AGAP1: variants seen among roughly 807,000 people sequenced by gnomAD.
AGAP1 encodes ArfGAP with GTPase domain, ankyrin repeat and PH domain 1.
A neutral mutation model predicts 105.3 loss-of-function variants in AGAP1; 29 were observed. The ratio of observed to expected loss-of-function variants is 0.28; its 90% confidence interval spans 0.21 to 0.38. AGAP1 has a LOEUF of 0.38. AGAP1 is among the 10% of genes least tolerant of loss of function. The pLI is 1.00. For missense variants in AGAP1, 998 were observed against 1,165.1 expected (o/e 0.86, Z 2.09); for synonymous variants, 509 against 485.9 (o/e 1.05, Z -0.63).
In AGAP1 at chr2:235,611,010, T is replaced by G. The variant is rs1946107822; in HGVS notation, c.164-98169T>G. On this transcript the variant is annotated intron_variant, in intron 1 of 17. Coordinates refer to ENST00000304032, the MANE Select transcript of AGAP1 (RefSeq NM_001037131.3). The surrounding 1 kb of genome is among the most constrained non-coding windows in gnomAD (Gnocchi z 5.0). ...AAGGCACCGTCTTCCTCATTGAAAC[T>G]GTGCCCATGACCTCCGGAAGCCTGC... Among the ~76,000 whole-genome samples, 2 of 152,258 alleles carry G rather than the reference T, an allele frequency of 1.3e-5. No homozygotes were observed. Among genetic ancestry groups the G allele is most frequent in the East Asian group, 1.9e-4 (1 of 5,182 alleles).
chr2:236,113,892 T>C lies in AGAP1; in HGVS notation c.2115-6300T>C, dbSNP rs1438713715. On this transcript the variant is annotated intron_variant, in intron 16 of 17. Transcript: ENST00000304032. The surrounding 1 kb of genome is among the most constrained non-coding windows in gnomAD (Gnocchi z 4.3). ...TAAAGAGCCACCTTTACCTCTTCTTTTAGGCAGGAAGAGAAGCAAATATAA... is the reference window on the plus strand; with the variant it reads ...TAAAGAGCCACCTTTACCTCTTCTTCTAGGCAGGAAGAGAAGCAAATATAA... Among the ~76,000 whole-genome samples the C allele has an allele frequency of 6.6e-6, 1 of 152,162 alleles. No homozygotes were observed. Among genetic ancestry groups the C allele is most frequent in the Non-Finnish European group, 1.5e-5 (1 of 68,032 alleles).
At chr2:235,605,292 C>T (rs946905898) in intron 1 of AGAP1, among the ~76,000 whole-genome samples, 3 of 152,180 alleles carry the variant, frequency 2.0e-5, no homozygotes, top group East Asian at 1.9e-4. Flanking sequence ...CATTTCACGC[C>T]CCTCATCTTC....
intron 9 of AGAP1, among the ~76,000 whole-genome samples, chr2:235,851,103 G>A (rs2048425757): frequency 6.6e-6 from 1 of 152,236 alleles, no homozygotes; most frequent in African/African-American, 2.4e-5. Flanking sequence ...CAGGAGACCT[G>A]GTTTCTAGGC....
intron 10 of AGAP1, among the ~76,000 whole-genome samples, chr2:235,895,297 C>T (rs962468845): frequency 3.3e-5 from 5 of 152,160 alleles, no homozygotes; most frequent in Non-Finnish European, 7.3e-5. Flanking sequence ...GATCCCCTCT[C>T]CCGCTTGGTT....
rs1326876900 is a variant in AGAP1 at position 235,973,689 on chromosome 2, G to C, written c.1645+5066G>C. On this transcript the variant is annotated intron_variant, in intron 13 of 17. Transcript: ENST00000304032. This position sits in a 1 kb window ranked among gnomAD's most constrained non-coding sequence, Gnocchi z 4.7. ...TGGTAACCATGGGACCTGATGGGTGGAAGCCTCAAGGAGGTGGATTTTGAT... is the reference window on the plus strand; with the variant it reads ...TGGTAACCATGGGACCTGATGGGTGCAAGCCTCAAGGAGGTGGATTTTGAT... Among the ~76,000 whole-genome samples the C allele has an allele frequency of 6.6e-6, 1 of 152,200 alleles. No homozygotes were observed. Among genetic ancestry groups the C allele is most frequent in the African/African-American group, 2.4e-5 (1 of 41,452 alleles).
intron 1 of AGAP1, among the ~76,000 whole-genome samples, chr2:235,699,056 CG>C: frequency 7.3e-6 from 1 of 137,234 alleles, no homozygotes; most frequent in Non-Finnish European, 1.5e-5. Flanking sequence ...TGGACCACCA[CG>C]GGCATCAGAC....
At position 236,083,969 on chromosome 2, in the gene AGAP1, C is replaced by T. The variant is rs1284495957; in HGVS notation, c.2114+34688C>T. Among the ~76,000 whole-genome samples, 1 of 152,150 alleles carries T rather than the reference C, an allele frequency of 6.6e-6. No individual in the cohort carries two copies. The highest frequency in any genetic ancestry group is 1.5e-5 in the Non-Finnish European group (1 of 68,044). On this transcript the variant is annotated intron_variant, in intron 16 of 17. Coordinates refer to ENST00000304032, the MANE Select transcript of AGAP1 (RefSeq NM_001037131.3). The surrounding 1 kb of genome is among the most constrained non-coding windows in gnomAD (Gnocchi z 5.3). ...CTAGATGAGAAGGAACAGAGGGATC[C>T]AGCTCAGTAATTAAAGGAATAATAA...
At chr2:235,563,430 T>C (rs1454702364) in intron 1 of AGAP1, among the ~76,000 whole-genome samples, 1 of 152,214 alleles carries the variant, frequency 6.6e-6, no homozygotes, top group Non-Finnish European at 1.5e-5. Context: ...TCAGCCCCAC[T>C]TTCCTCTGCC....
intron 1 of AGAP1, among the ~76,000 whole-genome samples, chr2:235,516,152 A>G (rs999446970): frequency 5.9e-5 from 9 of 151,636 alleles, no homozygotes; most frequent in Non-Finnish European, 1.2e-4. Flanking sequence ...CCCCGACTTC[A>G]TGGTTGGAAC....
At position 235,882,281 on chromosome 2, in the gene AGAP1, G is replaced by A. The variant is rs77765867; in HGVS notation, c.1051-1064G>A. ...AGGTTCACAATGCAGCTTGTGGCTC[G>A]TGTCCATCTTGCAGGTCGCTCTTCC... On this transcript the variant is annotated intron_variant, in intron 9 of 17. Coordinates refer to ENST00000304032, the MANE Select transcript of AGAP1 (RefSeq NM_001037131.3). The surrounding 1 kb of genome is among the most constrained non-coding windows in gnomAD (Gnocchi z 4.6). 7.0e-6 allele frequency: 4 copies of A among 574,310 alleles called. No individual in the cohort carries two copies. Among genetic ancestry groups the A allele is most frequent in the South Asian group, 3.8e-5 (2 of 52,818 alleles). The allele number at this position is 574,310 out of a possible 1,614,324, so 35.6% of individuals were successfully genotyped here.
chr2:236,074,010 G>A (rs1224565574), intron 16 of AGAP1, among the ~76,000 whole-genome samples: 1 of 152,184 alleles, frequency 6.6e-6, no homozygotes, highest in Non-Finnish European at 1.5e-5. Context: ...GCCCCCTGGG[G>A]ACATTTGGAA....
At chr2:235,731,516 G>A (rs765629708) in intron 3 of AGAP1, among the ~76,000 whole-genome samples, 2 of 152,206 alleles carry the variant, frequency 1.3e-5, no homozygotes, top group Non-Finnish European at 2.9e-5. Context: ...GTATTAGGAA[G>A]AGGCCTGGCT....
chr2:236,098,769 C>T (rs866087722), intron 16 of AGAP1, among the ~76,000 whole-genome samples: 82 of 151,386 alleles, frequency 5.4e-4, no homozygotes, highest in African/African-American at 1.9e-3. Flanking sequence ...GGACTACAGG[C>T]GTGCACCACC....
At chr2:235,939,561 C>T (rs923222826) in intron 12 of AGAP1, among the ~76,000 whole-genome samples, 4 of 130,306 alleles carry the variant, frequency 3.1e-5, no homozygotes, top group Middle Eastern at 3.7e-3. Flanking sequence ...TCTCACCACA[C>T]GTTCCAGGAC....
Position 235,578,801 on chromosome 2 carries a change from T to A in AGAP1, c.163+83952T>A, listed in dbSNP as rs5839601. Reference sequence around the variant, plus strand: ...CTCAGTCTCAAAAAAAAAAAAAAAATTTTTTTTTTACAATAAGCTATTTAA... The same window carrying A: ...CTCAGTCTCAAAAAAAAAAAAAAAAATTTTTTTTTACAATAAGCTATTTAA... On this transcript the variant is annotated intron_variant, in intron 1 of 17. Transcript: ENST00000304032. The surrounding 1 kb of genome is among the most constrained non-coding windows in gnomAD (Gnocchi z 4.9). 0.14 allele frequency among the ~76,000 whole-genome samples: 4,055 copies of A among 29,590 alleles called. 190 individuals are homozygous for A. The highest frequency in any genetic ancestry group is 0.41 in the African/African-American group (3,757 of 9,112). 19.4% of individuals were successfully genotyped at this position (29,590 alleles called of 152,430 possible).
chr2:236,057,527 C>A (rs2058082569), intron 16 of AGAP1, among the ~76,000 whole-genome samples: 1 of 152,284 alleles, frequency 6.6e-6, no homozygotes, highest in Non-Finnish European at 1.5e-5. Flanking sequence ...TGTTGAGATC[C>A]ACCCACACAA....
Position 235,788,478 on chromosome 2 carries a change from G to A in AGAP1, c.674-9281G>A, listed in dbSNP as rs192482208. On this transcript the variant is annotated intron_variant, in intron 6 of 17. Coordinates refer to ENST00000304032, the MANE Select transcript of AGAP1 (RefSeq NM_001037131.3). The surrounding 1 kb of genome is among the most constrained non-coding windows in gnomAD (Gnocchi z 6.0). ...AGCAATGCTGAGGGAAGGTGAGGCAGGGTGGGGAGAGGAGTGGGAGGGTAG... is the reference window on the plus strand; with the variant it reads ...AGCAATGCTGAGGGAAGGTGAGGCAAGGTGGGGAGAGGAGTGGGAGGGTAG... Among the ~76,000 whole-genome samples the A allele has an allele frequency of 6.6e-6, 1 of 152,138 alleles. No homozygotes were observed. The highest frequency in any genetic ancestry group is 6.5e-5 in the Admixed American group (1 of 15,294).
rs148039617 is a variant in AGAP1 at position 235,499,775 on chromosome 2, A to G, written c.163+4926A>G. On this transcript the variant is annotated intron_variant, in intron 1 of 17. Transcript: ENST00000304032. ...TCTGCCCACCGTGTTTGGCTCATCT[A>G]CTTAATCAGCTGGGAGGTCTGGAAG... 1.4e-3 allele frequency among the ~76,000 whole-genome samples: 212 copies of G among 152,164 alleles called. 2 individuals are homozygous for G. Among genetic ancestry groups the G allele is most frequent in the African/African-American group, 4.3e-3 (178 of 41,530 alleles).
chr2:235,955,834 G>A (rs566893274), intron 12 of AGAP1, among the ~76,000 whole-genome samples: 13 of 152,216 alleles, frequency 8.5e-5, no homozygotes, highest in Non-Finnish European at 1.6e-4. Context: ...TACCTTGAGC[G>A]GAGTGAAGTG....
Sources: allele counts gnomAD v4.1 joint callset (sites outside exome capture counted in the v4.1 genomes callset), GRCh38; gene constraint gnomAD v4.1.1; non-coding constraint Gnocchi (gnomAD v3.1); transcripts MANE v1.5; gene names NCBI Gene and HGNC (gene_info 2026-07-23, HGNC 2026-07-21).